Variants in PSMD7 observed in about 807,000 individuals in gnomAD.
PSMD7 encodes the protein proteasome 26S subunit, non-ATPase 7, also known as 26S proteasome non-ATPase regulatory subunit 7.
PSMD7 carries 13 observed loss-of-function variants against 36.4 expected under a neutral mutation model. The observed-to-expected ratio is 0.36, with a 90% confidence interval of 0.23 to 0.57. The LOEUF is 0.57. PSMD7 is among the 20% of genes least tolerant of loss of function. PSMD7 has a pLI of 0.83. For missense variants in PSMD7, 298 were observed against 393.6 expected, an observed-to-expected ratio of 0.76 and a Z score of 2.06; for synonymous variants, 186 against 151.0, an observed-to-expected ratio of 1.23 and a Z score of -1.70.
chr16:74,298,972 G>A (rs1222119794), intron 1 of PSMD7, among the ~76,000 whole-genome samples: 1 of 152,102 alleles, frequency 6.6e-6, no homozygotes, highest in Non-Finnish European at 1.5e-5. Flanking sequence ...CCACGAGTAT[G>A]GAAGTTTCCC....
chr16:74,300,341 C>A, intron 2 of PSMD7, 135 bp downstream of exon 2: 1 of 788,086 alleles, frequency 1.3e-6, no homozygotes, highest in Non-Finnish European at 2.1e-6. Context: ...GAAAAGAGAA[C>A]CTGAAGATTG....
intron 5 of PSMD7, among the ~76,000 whole-genome samples, chr16:74,303,301 G>T (rs557785022): frequency 1.3e-5 from 2 of 152,198 alleles, no homozygotes; most frequent in African/African-American, 4.8e-5. Flanking sequence ...ATAGTACTTA[G>T]TGTGAGTTGA....
intron 6 of PSMD7, 103 bp from the exon 7 acceptor site, chr16:74,305,186 C>T (rs2034185429): frequency 2.2e-6 from 3 of 1,366,526 alleles, no homozygotes; most frequent in Non-Finnish European, 1.9e-6. Flanking sequence ...AAAAACTTGC[C>T]TCACCCAACA....
At chr16:74,298,431 A>C (rs2034130896) in intron 1 of PSMD7, among the ~76,000 whole-genome samples, 1 of 152,208 alleles carries the variant, frequency 6.6e-6, no homozygotes, top group Admixed American at 6.5e-5. Context: ...TGCTGTGTGC[A>C]ACTAATTCAG....
chr16:74,302,414 T>C (rs1001199841), intron 5 of PSMD7, 122 bp downstream of exon 5: 16 of 793,838 alleles, frequency 2.0e-5, no homozygotes, highest in African/African-American at 1.7e-4. Context: ...GTAGTTTTTT[T>C]CCCTTTGACT....
In PSMD7 at chr16:74,305,455, G is replaced by T; in HGVS notation, c.697G>T (p.Val233Phe). Residue 233 changes from valine to phenylalanine, a missense_variant, in exon 7 of 7, where the codon GTC (valine) becomes TTC (phenylalanine). Coordinates refer to ENST00000219313, the MANE Select transcript of PSMD7 (RefSeq NM_002811.5). ...NHQIIYQLQD[V>F]FNLLPDVSLQ... ...CCAGATCATCTACCAGCTGCAGGAC[G>T]TCTTCAACCTGCTGCCAGATGTCAG... 6.2e-7 allele frequency: 1 copy of T among 1,614,152 alleles called. No homozygotes were observed. The highest frequency in any genetic ancestry group is 8.5e-7 in the Non-Finnish European group (1 of 1,180,014).
rs543940625 is a variant in PSMD7, at chr16:74,302,196, T to A, written c.358-16T>A. 3.1e-6 allele frequency: 5 copies of A among 1,610,540 alleles called. No individual in the cohort carries two copies. Among genetic ancestry groups the A allele is most frequent in the Middle Eastern group, 3.3e-4 (2 of 6,056 alleles). On this transcript the variant is annotated splice_polypyrimidine_tract_variant and intron_variant, in intron 4 of 6. Coordinates refer to ENST00000219313, the MANE Select transcript of PSMD7 (RefSeq NM_002811.5). Reference sequence around the variant, plus strand: ...CTGGGCGTGAGATGACTTGCTAAGATGTGTTTCTCTGCCAGGTATTGGTCA... The same window carrying A: ...CTGGGCGTGAGATGACTTGCTAAGAAGTGTTTCTCTGCCAGGTATTGGTCA...
At position 74,305,844 on chromosome 16, in the gene PSMD7, A is replaced by C; in HGVS notation, c.*111A>C. 8.1e-7 allele frequency: 1 copy of C among 1,242,204 alleles called. No homozygotes were observed. The highest frequency in any genetic ancestry group is 1.0e-6 in the Non-Finnish European group (1 of 957,088). 76.9% of individuals were successfully genotyped at this position (1,242,204 alleles called of 1,614,324 possible). A position where few individuals can be genotyped will look rare whatever the true frequency, so the allele number is the denominator to read the frequency against. On this transcript the variant is annotated 3_prime_UTR_variant, in exon 7 of 7. Transcript: ENST00000219313. ...GACATGCTTATTAGAAAGCTGACCCAACAAGAGCTCTCTGCCTCCGGTCAC... is the reference window on the plus strand; with the variant it reads ...GACATGCTTATTAGAAAGCTGACCCCACAAGAGCTCTCTGCCTCCGGTCAC...
chr16:74,301,738 G>T, intron 4 of PSMD7, 86 bp downstream of exon 4: 1 of 1,057,338 alleles, frequency 9.5e-7, no homozygotes, highest in Non-Finnish European at 1.4e-6. Flanking sequence ...AATTTGAGTA[G>T]CAAATCTGCT....
At chr16:74,299,487 C>A in intron 1 of PSMD7, 1 of 436,932 alleles carries the variant, frequency 2.3e-6, no homozygotes, top group South Asian at 1.6e-5. Context: ...TCAAGTAGTC[C>A]CTGCACCTCA....
chr16:74,297,403 G>A (rs1490668729), intron 1 of PSMD7, among the ~76,000 whole-genome samples: 2 of 152,048 alleles, frequency 1.3e-5, no homozygotes, highest in Admixed American at 6.5e-5. Flanking sequence ...TAAAGCCAGG[G>A]TGGGGCGGAG....
rs776195019 is a variant in PSMD7 at position 74,305,673 on chromosome 16, GAAAGAT to G, written c.924_929del (p.Asp309_Lys310del). 12 of 1,512,278 alleles carry G rather than the reference GAAAGAT, an allele frequency of 7.9e-6. No homozygotes were observed. The highest frequency in any genetic ancestry group is 5.4e-5 in the South Asian group (4 of 73,976). The allele number at this position is 1,512,278 out of a possible 1,614,324, so 93.7% of individuals were successfully genotyped here. On this transcript the variant is annotated inframe_deletion, in exon 7 of 7. Transcript: ENST00000219313. ...AAAAGGATAGGAAAGAGGACAAGGA[GAAAGAT>G]AAAGATAAGGAAAAGAGTGATGTAA... is the stretch of plus-strand genomic sequence containing the variant.
chr16:74,301,486 A>G (rs79389551), intron 3 of PSMD7, 69 bp from the exon 4 acceptor site: 12,703 of 1,174,726 alleles, frequency 0.011, 116 homozygotes, highest in African/African-American at 0.046. Context: ...TGATGTTCTT[A>G]TCCTTTTTGA....
chr16:74,304,582 T>G (rs1206206302), intron 6 of PSMD7, 188 bp downstream of exon 6: 1 of 521,010 alleles, frequency 1.9e-6, no homozygotes, highest in Non-Finnish European at 3.5e-6. Flanking sequence ...TTGAAGTGTT[T>G]GAACTACATC....
At position 74,305,740 on chromosome 16, in the gene PSMD7, TATTA is replaced by T; in HGVS notation, c.*9_*12del. On this transcript the variant is annotated 3_prime_UTR_variant, in exon 7 of 7. Transcript: ENST00000219313. ...GAAAAAGGAGAAAAAGTAAAACATG[TATTA>T]AATAGCTTTTTTAATTTGTAAATTA... 7.1e-7 allele frequency: 1 copy of T among 1,414,402 alleles called. No homozygotes were observed. Among genetic ancestry groups the T allele is most frequent in the Non-Finnish European group, 9.3e-7 (1 of 1,078,384 alleles). 87.6% of individuals were successfully genotyped at this position (1,414,402 alleles called of 1,614,324 possible). A position where few individuals can be genotyped will look rare whatever the true frequency, so the allele number is the denominator to read the frequency against.
intron 1 of PSMD7, 55 bp downstream of exon 1, chr16:74,297,043 C>T: frequency 1.3e-6 from 2 of 1,573,300 alleles, no homozygotes; most frequent in Non-Finnish European, 1.7e-6. Flanking sequence ...GAGTCACGGG[C>T]ACGCTGGAGA....
At chr16:74,300,313 T>A in intron 2 of PSMD7, 107 bp downstream of exon 2, 1 of 1,015,686 alleles carries the variant, frequency 9.8e-7, no homozygotes, top group Non-Finnish European at 1.5e-6. Flanking sequence ...GAGATTGTCT[T>A]AAAATTGCTG....
At chr16:74,302,396 A>G in intron 5 of PSMD7, 104 bp downstream of exon 5, 1 of 921,144 alleles carries the variant, frequency 1.1e-6, no homozygotes, top group Non-Finnish European at 1.7e-6. Context: ...TCTCCGTAAC[A>G]AAAGAAGGTA....
chr16:74,306,281 A>AT lies in PSMD7; in HGVS notation c.*553dup, dbSNP rs1291107985. 1 of 152,628 alleles carries AT rather than the reference A, an allele frequency of 6.6e-6. No homozygotes were observed. Among genetic ancestry groups the AT allele is most frequent in the African/African-American group, 2.4e-5 (1 of 41,444 alleles). 9.5% of individuals were successfully genotyped at this position (152,628 alleles called of 1,614,324 possible). ...TTCAAAGATACAATTAAATGGCTTG[A>AT]TTTTTAAGCTGTGTTCTAGTCGTTT... is the stretch of plus-strand genomic sequence containing the variant. On this transcript the variant is annotated 3_prime_UTR_variant, in exon 7 of 7. Coordinates refer to ENST00000219313, the MANE Select transcript of PSMD7 (RefSeq NM_002811.5).
Sources: gnomAD v4.1 joint callset for allele counts (sites outside exome capture counted in the v4.1 genomes callset) on GRCh38, gnomAD v4.1.1 for gene constraint, MANE v1.5 for transcripts, NCBI Gene and HGNC (gene_info 2026-07-23, HGNC 2026-07-21) for gene names.